Variants in HECW2 observed in about 807,000 individuals in gnomAD.
The protein encoded by HECW2 is E3 ubiquitin-protein ligase HECW2.
In HECW2, 61 loss-of-function variants were observed where a neutral mutation model predicts 175.2. The ratio of observed to expected loss-of-function variants is 0.35; its 90% CI spans 0.28 to 0.43. The LOEUF is 0.43. Ranked by LOEUF, HECW2 falls within the 20% of genes least tolerant of loss-of-function variation. The probability of loss-of-function intolerance (pLI) is 1.00; values close to 1 mark genes in which losing one functional copy is unlikely to be tolerated. For synonymous variants in HECW2, 671 were observed against 731.0 expected (o/e 0.92, Z 1.32); for missense variants, 1,524 against 2,000.5 (o/e 0.76, Z 4.54).
intron 1 of HECW2, chr2:196,493,448 C>T (rs764124794): frequency 1.3e-5 from 2 of 152,076 alleles, no homozygotes; most frequent in African/African-American, 2.4e-5. Context: ...ATATCTTTGC[C>T]ACTGATGAAA....
chr2:196,555,507 T>C (rs78435483), intron 1 of HECW2, among the ~76,000 whole-genome samples: 20,870 of 152,170 alleles, frequency 0.14, 1,523 homozygotes, highest in Middle Eastern at 0.25. Context: ...ACTCAGATCA[T>C]AGCACATAGG....
rs72912776 is a variant in HECW2, at chr2:196,441,381, A to C, written c.-35-7923T>G. ...ACACAACATACAACACACACACACA[A>C]ACACACACACACACACTTGTTCAAC... On this transcript the variant is annotated intron_variant, in intron 1 of 28. Transcript: ENST00000644978. Among the ~76,000 whole-genome samples the C allele has an allele frequency of 1.2e-3, 187 of 151,244 alleles. 1 individual carries two copies. Among genetic ancestry groups the C allele is most frequent in the African/African-American group, 4.2e-3 (172 of 41,334 alleles).
At chr2:196,287,615 T>C (rs1690441639) in intron 14 of HECW2, among the ~76,000 whole-genome samples, 1 of 152,340 alleles carries the variant, frequency 6.6e-6, no homozygotes, top group Admixed American at 6.5e-5. Flanking sequence ...ATAACAACTT[T>C]CACGGTTTTG....
intron 1 of HECW2, among the ~76,000 whole-genome samples, chr2:196,453,266 C>T (rs1696401997): frequency 6.6e-6 from 1 of 152,182 alleles, no homozygotes; most frequent in African/African-American, 2.4e-5. Context: ...AGTTTAGGGT[C>T]TTGGACTGGG....
At position 196,546,789 on chromosome 2, in the gene HECW2, CAG is replaced by C. The variant is rs1246702513; in HGVS notation, c.-36+46717_-36+46718del. 2.1e-5 allele frequency among the ~76,000 whole-genome samples: 3 copies of C among 143,116 alleles called. No individual in the cohort carries two copies. In the East Asian group the frequency reaches 6.1e-4, roughly 29 times the overall value. The allele number at this position is 143,116 out of a possible 152,430, so 93.9% of individuals were successfully genotyped here. ...GCAGTGCATTTGAATGCAACTCGTA[CAG>C]AGAGACCTGTCATATAGGAGAAGGA... On this transcript the variant is annotated intron_variant, in intron 1 of 28. Transcript: ENST00000644978.
intron 2 of HECW2, among the ~76,000 whole-genome samples, chr2:196,400,787 C>T (rs781730914): frequency 2.0e-4 from 30 of 151,028 alleles, no homozygotes; most frequent in Non-Finnish European, 2.5e-4. Flanking sequence ...CCTCTCCTCT[C>T]TCTGAGCCAC....
chr2:196,459,540 C>G (rs1323072718), intron 1 of HECW2, among the ~76,000 whole-genome samples: 1 of 151,960 alleles, frequency 6.6e-6, no homozygotes, highest in Non-Finnish European at 1.5e-5. Flanking sequence ...CCAACCATGA[C>G]CAGACAGGAG....
chr2:196,249,140 A>G (rs12611565), intron 19 of HECW2, among the ~76,000 whole-genome samples: 53,732 of 152,098 alleles, frequency 0.35, 9,955 homozygotes, highest in African/African-American at 0.46. Flanking sequence ...GAAAATCCAC[A>G]TAAGAGAGCA....
intron 1 of HECW2, among the ~76,000 whole-genome samples, chr2:196,573,267 T>C (rs1197567517): frequency 6.6e-6 from 1 of 150,600 alleles, no homozygotes; most frequent in African/African-American, 2.4e-5. Flanking sequence ...AAAAAAAATG[T>C]CAAAATCAAC....
chr2:196,503,096 C>T (rs934808414), intron 1 of HECW2, among the ~76,000 whole-genome samples: 2 of 152,150 alleles, frequency 1.3e-5, no homozygotes, highest in African/African-American at 4.8e-5. Flanking sequence ...TAATCATGGG[C>T]ACCTGTGCCA....
At chr2:196,265,914 G>A (rs1046461940) in intron 17 of HECW2, among the ~76,000 whole-genome samples, 1 of 152,068 alleles carries the variant, frequency 6.6e-6, no homozygotes, top group African/African-American at 2.4e-5. Flanking sequence ...CTCCAAACCT[G>A]AACAAAATCT....
intron 1 of HECW2, among the ~76,000 whole-genome samples, chr2:196,495,357 C>T (rs769010314): frequency 2.6e-5 from 4 of 152,118 alleles, no homozygotes; most frequent in Non-Finnish European, 5.9e-5. Flanking sequence ...TGAGCCACCA[C>T]GCCCTGTCAT....
chr2:196,567,686 T>C (rs1690233189), intron 1 of HECW2, among the ~76,000 whole-genome samples: 2 of 152,222 alleles, frequency 1.3e-5, no homozygotes, highest in African/African-American at 4.8e-5. Context: ...AACGCTGATA[T>C]GGGCCATTAT....
At chr2:196,439,498 G>C (rs1376033420) in intron 1 of HECW2, among the ~76,000 whole-genome samples, 2 of 152,172 alleles carry the variant, frequency 1.3e-5, no homozygotes, top group Non-Finnish European at 2.9e-5. Flanking sequence ...TACAGGCCTT[G>C]AGTTACAGCT....
At position 196,322,533 on chromosome 2, in the gene HECW2, A is replaced by T; in HGVS notation, c.829T>A (p.Phe277Ile). ...FAKSRPIIKR[F>I]LGKLTIPVQR... is the part of the protein sequence containing the mutation. ...ACTGGAATGGTTAGTTTCCCCAGAA[A>T]ACGCTTGATGATGGGACGGCTCTTG... is the stretch of plus-strand genomic sequence containing the variant. Residue 277 changes from phenylalanine (F) to isoleucine (I), a missense_variant, in exon 7 of 29, where the codon TTT becomes ATT. Around this residue, in one of 11 missense-constraint regions of HECW2, gnomAD observed 95 missense variants for 136.8 expected, o/e 0.69. Coordinates refer to ENST00000644978, the MANE Select transcript of HECW2 (RefSeq NM_001348768.2). 6.2e-7 allele frequency: 1 copy of T among 1,614,116 alleles called. No individual in the cohort carries two copies. Among genetic ancestry groups the T allele is most frequent in the Non-Finnish European group, 8.5e-7 (1 of 1,179,976 alleles).
At chr2:196,444,255 T>C (rs1049828852) in intron 1 of HECW2, among the ~76,000 whole-genome samples, 1 of 148,984 alleles carries the variant, frequency 6.7e-6, no homozygotes, top group Non-Finnish European at 1.5e-5. Flanking sequence ...GAATTCCACA[T>C]TACTTTGTGG....
chr2:196,229,937 A>G (rs1324144065), intron 21 of HECW2, among the ~76,000 whole-genome samples: 1 of 152,220 alleles, frequency 6.6e-6, no homozygotes, highest in Non-Finnish European at 1.5e-5. Context: ...AAAATAAAAA[A>G]GTCAGTCTTT....
At chr2:196,255,101 T>C (rs1689005787) in intron 18 of HECW2, among the ~76,000 whole-genome samples, 1 of 150,666 alleles carries the variant, frequency 6.6e-6, no homozygotes, top group Non-Finnish European at 1.5e-5. Flanking sequence ...GCCTCTTGAG[T>C]AGCTGGGACT....
chr2:196,303,052 G>C (rs551756325), intron 13 of HECW2, among the ~76,000 whole-genome samples: 1 of 152,188 alleles, frequency 6.6e-6, no homozygotes, highest in African/African-American at 2.4e-5. Context: ...ATGTTGGTTT[G>C]CCATATATGG....
Sources: allele counts gnomAD v4.1 joint callset (sites outside exome capture counted in the v4.1 genomes callset), GRCh38; gene constraint gnomAD v4.1.1; regional missense constraint gnomAD v4.1.1; transcripts MANE v1.5; gene names NCBI Gene and HGNC (gene_info 2026-07-23, HGNC 2026-07-21).